The following AGL variants were observed in gnomAD, a reference collection of about 807,000 sequenced individuals.
AGL encodes glycogen debranching enzyme.
In AGL, 128 loss-of-function variants were observed where a neutral mutation model predicts 199.3. The ratio of observed to expected loss-of-function variants is 0.64; its 90% CI spans 0.56 to 0.74. The LOEUF is 0.74. Among genes scored for constraint, AGL ranks in the 30% least tolerant of loss-of-function variants. The probability of loss-of-function intolerance (pLI) is 0.00; values close to 1 mark genes in which losing one functional copy is unlikely to be tolerated. For missense variants in AGL, 1,809 were observed against 1,820.8 expected (o/e 0.99, Z 0.12); for synonymous variants, 584 against 594.7 (o/e 0.98, Z 0.26).
At chr1:99,912,380 A>G (rs1351549873) in intron 28 of AGL, 25 bp from the exon 29 acceptor site, 1 of 1,591,758 alleles carries the variant, frequency 6.3e-7, no homozygotes, top group Non-Finnish European at 8.6e-7. Context: ...AACTTAAAGA[A>G]TAAAAATACG....
chr1:99,860,726 G>A (rs1271440429), intron 2 of AGL, among the ~76,000 whole-genome samples: 4 of 152,138 alleles, frequency 2.6e-5, no homozygotes, highest in Non-Finnish European at 5.9e-5. Context: ...GTAGTGTGTT[G>A]GAGGTGCTTT....
rs1571243841 is a variant in AGL, at chr1:99,870,829, C to T, written c.918C>T (p.Val306=). The change falls in exon 7 of 34, where the codon GTC becomes GTT. Residue 306 remains valine (V), a synonymous_variant. Transcript: ENST00000361915. ...TCTGGGAATTTTTCCAAGTAGATGT[C>T]AACAAAGCGGTTGAGCAATTTAGAA... ...LKLWEFFQVD[V]NKAVEQFRRL... is the part of the protein sequence containing the mutation. 6.2e-7 allele frequency: 1 copy of T among 1,610,840 alleles called. No homozygotes were observed. Among genetic ancestry groups the T allele is most frequent in the Non-Finnish European group, 8.5e-7 (1 of 1,177,372 alleles).
intron 31 of AGL, 98 bp from the exon 32 acceptor site, chr1:99,916,312 T>A: frequency 1.1e-6 from 1 of 951,496 alleles, no homozygotes. Context: ...ACAAAATAAT[T>A]GATTATTTCT....
rs1652979619 is a variant in AGL at position 99,892,516 on chromosome 1, G to A, written c.3168G>A (p.Leu1056=). The A allele has an allele frequency of 6.2e-7, 1 of 1,613,506 alleles. No individual in the cohort carries two copies. Among genetic ancestry groups the A allele is most frequent in the Admixed American group, 1.7e-5 (1 of 59,974 alleles). The part of the protein sequence containing the change: ...QLCGVGKFPS[L]PILSPALMDV... ...GTGGAGTAGGAAAATTCCCTTCCCT[G>A]CCAATTCTTTCACCTGCCCTAATGG... The change falls in exon 24 of 34, where the codon CTG becomes CTA. Residue 1056 remains leucine (L), a synonymous_variant. Transcript: ENST00000361915.
At chr1:99,893,230 A>C (rs777711481) in intron 24 of AGL, among the ~76,000 whole-genome samples, 2 of 152,212 alleles carry the variant, frequency 1.3e-5, no homozygotes, top group Admixed American at 6.5e-5. Flanking sequence ...ACTAAACTGA[A>C]AAATATCAAG....
intron 33 of AGL, 109 bp downstream of exon 33, chr1:99,916,840 C>T (rs927313561): frequency 8.4e-6 from 10 of 1,189,494 alleles, no homozygotes; most frequent in Non-Finnish European, 1.2e-5. Flanking sequence ...CTAGGTATCC[C>T]AATGAAAAGT....
chr1:99,915,371 G>A lies in AGL; in HGVS notation c.4162-18G>A, dbSNP rs761800894. ...TGTGATCTTAAAAATTTGTATATTT[G>A]TTTTTGGCATTCACTAGGCCCCTGA... On this transcript the variant is annotated intron_variant, in intron 30 of 33. Transcript: ENST00000361915. 6.3e-7 allele frequency: 1 copy of A among 1,591,136 alleles called. No individual in the cohort carries two copies. The highest frequency in any genetic ancestry group is 1.1e-5 in the South Asian group (1 of 90,584).
At chr1:99,892,390 T>C (rs1457470437) in intron 23 of AGL, 42 bp from the exon 24 acceptor site, 1 of 1,584,510 alleles carries the variant, frequency 6.3e-7, no homozygotes, top group Admixed American at 1.7e-5. Flanking sequence ...CTGCTAAAAA[T>C]TGTATTTCTA....
intron 2 of AGL, among the ~76,000 whole-genome samples, chr1:99,858,797 T>G (rs1472427126): frequency 1.3e-5 from 2 of 151,944 alleles, no homozygotes; most frequent in Non-Finnish European, 2.9e-5. Context: ...CCAAAAGGTT[T>G]TTTCTACCCA....
At chr1:99,890,650 A>T (rs374795374) in intron 21 of AGL, among the ~76,000 whole-genome samples, 25,595 of 75,954 alleles carry the variant, frequency 0.34, 2,307 homozygotes, top group South Asian at 0.48. Context: ...AGAAAAAAAA[A>T]ATATATATAT....
intron 17 of AGL, among the ~76,000 whole-genome samples, chr1:99,883,193 A>C (rs1652189557): frequency 6.6e-6 from 1 of 152,164 alleles, no homozygotes; most frequent in South Asian, 2.1e-4. Context: ...TCTTTTAAAC[A>C]ATTTTCTTAG....
intron 2 of AGL, 106 bp downstream of exon 2, chr1:99,851,230 A>G (rs1189302997): frequency 1.9e-6 from 2 of 1,060,136 alleles, no homozygotes. Flanking sequence ...ATTATTTCCA[A>G]GGGTCTAAAA....
At chr1:99,861,239 T>C (rs1650007604) in intron 2 of AGL, 2 of 1,317,254 alleles carry the variant, frequency 1.5e-6, no homozygotes, top group Admixed American at 6.6e-5. Context: ...CCCAAGTTGC[T>C]ATGTGAATAG....
At chr1:99,879,792 G>C in intron 12 of AGL, 131 bp from the exon 13 acceptor site, 1 of 726,216 alleles carries the variant, frequency 1.4e-6, no homozygotes, top group South Asian at 1.5e-5. Flanking sequence ...ATGTGTTTTG[G>C]TATGTTTGAT....
chr1:99,870,164 A>G (rs565632726), intron 5 of AGL, among the ~76,000 whole-genome samples: 5 of 152,088 alleles, frequency 3.3e-5, no homozygotes, highest in African/African-American at 1.2e-4. Context: ...TTTTTGTTTC[A>G]TCGGATTTTC....
intron 2 of AGL, among the ~76,000 whole-genome samples, chr1:99,859,153 C>T (rs946246267): frequency 2.6e-4 from 39 of 152,174 alleles, no homozygotes; most frequent in Non-Finnish European, 1.5e-4. Context: ...TTCAAAATGA[C>T]ACTATTTCTC....
At chr1:99,901,961 C>A (rs1373865025) in intron 26 of AGL, among the ~76,000 whole-genome samples, 2 of 151,994 alleles carry the variant, frequency 1.3e-5, no homozygotes, top group Non-Finnish European at 2.9e-5. Context: ...TTACACATAA[C>A]TTTGTTTTCT....
chr1:99,911,042 C>G (rs879503676), intron 28 of AGL, among the ~76,000 whole-genome samples, 195 bp downstream of exon 28: 48 of 152,140 alleles, frequency 3.2e-4, no homozygotes, highest in Non-Finnish European at 3.2e-4. Context: ...ACTATCTGTT[C>G]TTTTCTGTAA....
intron 33 of AGL, among the ~76,000 whole-genome samples, chr1:99,917,679 T>C (rs1655232731): frequency 1.3e-5 from 2 of 152,224 alleles, no homozygotes; most frequent in Admixed American, 1.3e-4. Flanking sequence ...TAATCTCCTT[T>C]GTTGGCTAAT....
Sources: gnomAD v4.1 joint callset for allele counts (sites outside exome capture counted in the v4.1 genomes callset) on GRCh38, gnomAD v4.1.1 for gene constraint, MANE v1.5 for transcripts, NCBI Gene and HGNC (gene_info 2026-07-23, HGNC 2026-07-21) for gene names.